Variants in MYRIP observed in about 807,000 individuals in gnomAD.
MYRIP encodes myosin VIIA and Rab interacting protein, also known as rab effector MyRIP.
MYRIP carries 49 observed loss-of-function variants against 98.0 expected under a neutral mutation model. The ratio of observed to expected loss-of-function variants is 0.50; its 90% CI spans 0.40 to 0.63. The LOEUF (loss-of-function observed/expected upper bound fraction) is 0.63. Ranked by LOEUF, MYRIP falls within the 30% of genes least tolerant of loss-of-function variation. MYRIP has a pLI of 0.00. For missense variants in MYRIP, 1,004 were observed against 1,058.2 expected (o/e 0.95, Z 0.71); for synonymous variants, 404 against 409.5 (o/e 0.99, Z 0.16).
intron 2 of MYRIP, among the ~76,000 whole-genome samples, chr3:39,912,294 G>A (rs1445478520): frequency 1.3e-5 from 2 of 152,186 alleles, no homozygotes; most frequent in Non-Finnish European, 2.9e-5. Flanking sequence ...GTGCCCAGTA[G>A]GTTGGCAGGC....
intron 2 of MYRIP, among the ~76,000 whole-genome samples, chr3:40,037,735 A>T (rs1424694427): frequency 6.6e-6 from 1 of 152,190 alleles, no homozygotes; most frequent in East Asian, 1.9e-4. Flanking sequence ...CTCTTTTCAC[A>T]TGTGAAATGT....
At chr3:39,816,452 CT>C (rs1940920168) in intron 1 of MYRIP, among the ~76,000 whole-genome samples, 1 of 152,190 alleles carries the variant, frequency 6.6e-6, no homozygotes, top group African/African-American at 2.4e-5. Context: ...ATTTTTCTTT[CT>C]TCTCTTACTT....
intron 2 of MYRIP, among the ~76,000 whole-genome samples, chr3:39,989,308 G>C (rs745665254): frequency 2.6e-5 from 4 of 152,126 alleles, no homozygotes; most frequent in Non-Finnish European, 4.4e-5. Flanking sequence ...GCTGTGGTTT[G>C]CTGGGGGTTC....
chr3:40,241,828 A>G (rs554494789), intron 12 of MYRIP, among the ~76,000 whole-genome samples: 1 of 152,342 alleles, frequency 6.6e-6, no homozygotes, highest in South Asian at 2.1e-4. Flanking sequence ...AGCAAGTCCA[A>G]GTGAATATTT....
intron 3 of MYRIP, among the ~76,000 whole-genome samples, chr3:40,135,055 A>C (rs1441608981): frequency 6.6e-6 from 1 of 152,234 alleles, no homozygotes; most frequent in Admixed American, 6.5e-5. Flanking sequence ...CGAGTTGAGA[A>C]AGGAAGGCTT....
intron 2 of MYRIP, among the ~76,000 whole-genome samples, chr3:39,912,945 C>G (rs1019630252): frequency 6.6e-6 from 1 of 152,154 alleles, no homozygotes; most frequent in Non-Finnish European, 1.5e-5. Context: ...GAGGCCGAGA[C>G]AGGAGAATCA....
In MYRIP at chr3:40,200,388, TTC is replaced by T. The variant is rs1317977321; in HGVS notation, c.1666-9460_1666-9459del. ...GGGTTGAATAAGCTTGCTCTAGGTC[TTC>T]TCTCTAGGGAGGAAAAAAATGTGCA... On this transcript the variant is annotated intron_variant, in intron 10 of 16. Coordinates refer to ENST00000302541, the MANE Select transcript of MYRIP (RefSeq NM_015460.4). Among the ~76,000 whole-genome samples, 5 of 152,142 alleles carry T rather than the reference TTC, an allele frequency of 3.3e-5. 1 individual carries two copies. The highest frequency in any genetic ancestry group is 1.2e-4 in the African/African-American group (5 of 41,444).
chr3:40,045,276 T>C (rs1947647170), intron 3 of MYRIP, among the ~76,000 whole-genome samples: 1 of 152,162 alleles, frequency 6.6e-6, no homozygotes, highest in African/African-American at 2.4e-5. Flanking sequence ...GGAATCAGGC[T>C]CTGGGCTACA....
chr3:40,243,517 A>T (rs1434393911), intron 12 of MYRIP, among the ~76,000 whole-genome samples: 2 of 152,102 alleles, frequency 1.3e-5, no homozygotes, highest in African/African-American at 2.4e-5. Flanking sequence ...CATATGTTTC[A>T]TTCAAATCAA....
chr3:40,135,282 A>G (rs1199612973), intron 3 of MYRIP, among the ~76,000 whole-genome samples: 1 of 152,234 alleles, frequency 6.6e-6, no homozygotes, highest in Non-Finnish European at 1.5e-5. Context: ...AAAGGGTATC[A>G]GTGATGGAAG....
At chr3:40,233,270 AAG>A (rs1362631335) in intron 11 of MYRIP, among the ~76,000 whole-genome samples, 1 of 152,246 alleles carries the variant, frequency 6.6e-6, no homozygotes, top group Non-Finnish European at 1.5e-5. Context: ...AGAAGCAAGC[AAG>A]AGAGAATGGG....
intron 3 of MYRIP, among the ~76,000 whole-genome samples, chr3:40,060,295 TTACTC>T (rs1648025420): frequency 6.6e-6 from 1 of 152,174 alleles, no homozygotes; most frequent in South Asian, 2.1e-4. Context: ...AGTGATGCCT[TTACTC>T]TATCATTTTT....
chr3:40,039,605 C>T (rs1947464668), intron 2 of MYRIP, among the ~76,000 whole-genome samples: 2 of 152,076 alleles, frequency 1.3e-5, no homozygotes, highest in African/African-American at 2.4e-5. Flanking sequence ...AAATAAAGAA[C>T]ATATATTGAC....
intron 3 of MYRIP, among the ~76,000 whole-genome samples, chr3:40,095,811 A>C (rs1948818410): frequency 1.4e-5 from 2 of 145,386 alleles, no homozygotes; most frequent in Non-Finnish European, 1.5e-5. Flanking sequence ...TTTCCTACAT[A>C]CTCCACAGAC....
At chr3:39,939,339 A>G (rs1944727161) in intron 2 of MYRIP, among the ~76,000 whole-genome samples, 1 of 152,196 alleles carries the variant, frequency 6.6e-6, no homozygotes, top group Non-Finnish European at 1.5e-5. Flanking sequence ...GCAACACTCT[A>G]GAGTGATCTG....
At chr3:39,809,504 G>C (rs937710555), upstream of MYRIP, 1 of 147,892 alleles carries the variant, frequency 6.8e-6, no homozygotes, top group Non-Finnish European at 1.5e-5. Context: ...CCCTCCCGCC[G>C]GGCGCCCTGC....
At chr3:40,119,522 G>C (rs1949353401) in intron 3 of MYRIP, among the ~76,000 whole-genome samples, 1 of 152,212 alleles carries the variant, frequency 6.6e-6, no homozygotes, top group Non-Finnish European at 1.5e-5. Flanking sequence ...GGAACTGGAG[G>C]TGTGGTGAAC....
At chr3:40,033,926 C>A (rs1376477717) in intron 2 of MYRIP, among the ~76,000 whole-genome samples, 1 of 152,082 alleles carries the variant, frequency 6.6e-6, no homozygotes, top group Non-Finnish European at 1.5e-5. Context: ...CACATATCTA[C>A]AACTATCTGA....
chr3:40,117,229 C>T (rs1949301733), intron 3 of MYRIP, among the ~76,000 whole-genome samples: 1 of 152,186 alleles, frequency 6.6e-6, no homozygotes, highest in Admixed American at 6.5e-5. Context: ...ATATCATACA[C>T]CGGTTATGTA....
Sources: gnomAD v4.1 joint callset for allele counts (sites outside exome capture counted in the v4.1 genomes callset) on GRCh38, gnomAD v4.1.1 for gene constraint, MANE v1.5 for transcripts, NCBI Gene and HGNC (gene_info 2026-07-23, HGNC 2026-07-21) for gene names.